Variants in PSMA3 observed in about 807,000 individuals in gnomAD.
PSMA3 encodes proteasome subunit alpha type-3.
In PSMA3, 8 loss-of-function variants were observed where a neutral mutation model predicts 40.0. The ratio of observed to expected loss-of-function variants is 0.20; its 90% CI spans 0.12 to 0.36. The LOEUF is 0.36. Among genes scored for constraint, PSMA3 ranks in the 10% least tolerant of loss-of-function variants. The probability of loss-of-function intolerance (pLI) is 1.00; values close to 1 mark genes in which losing one functional copy is unlikely to be tolerated. For missense variants in PSMA3, 219 were observed against 310.6 expected (o/e 0.70, Z 2.22); for synonymous variants, 110 against 100.0 (o/e 1.10, Z -0.59).
chr14:58,250,519 CAGGAA>C (rs1398298607), intron 2 of PSMA3, among the ~76,000 whole-genome samples: 2 of 152,126 alleles, frequency 1.3e-5, no homozygotes, highest in Admixed American at 6.6e-5. Flanking sequence ...GAATTTATAA[CAGGAA>C]ATTGAATATG....
intron 3 of PSMA3, among the ~76,000 whole-genome samples, chr14:58,252,981 CTTTTTTT>C (rs1231347254): frequency 5.3e-5 from 7 of 132,388 alleles, no homozygotes; most frequent in South Asian, 5.0e-4. Flanking sequence ...ATGTCATTTT[CTTTTTTT>C]TTTTTTTTTG....
At chr14:58,247,282 A>G (rs1323786327) in intron 1 of PSMA3, among the ~76,000 whole-genome samples, 2 of 152,148 alleles carry the variant, frequency 1.3e-5, no homozygotes, top group Non-Finnish European at 2.9e-5. Flanking sequence ...ACCTAGATTC[A>G]TGTCTGATGT....
At chr14:58,249,219 C>G (rs560040673) in intron 2 of PSMA3, among the ~76,000 whole-genome samples, 23 of 152,102 alleles carry the variant, frequency 1.5e-4, no homozygotes, top group Non-Finnish European at 3.1e-4. Context: ...CTCAGCCTCC[C>G]AAAGTGCTGG....
chr14:58,267,328 A>G, intron 7 of PSMA3, 146 bp from the exon 8 acceptor site: 3 of 1,209,598 alleles, frequency 2.5e-6, no homozygotes, highest in South Asian at 6.0e-5. Flanking sequence ...AAACATTAAA[A>G]TATGAATCAG....
intron 2 of PSMA3, among the ~76,000 whole-genome samples, chr14:58,250,964 G>A (rs1889998287): frequency 6.6e-6 from 1 of 152,034 alleles, no homozygotes; most frequent in Non-Finnish European, 1.5e-5. Context: ...AGGATGTAGA[G>A]CTTGGTGATG....
At chr14:58,264,998 C>G (rs936311259) in intron 7 of PSMA3, 2 of 152,196 alleles carry the variant, frequency 1.3e-5, no homozygotes, top group Non-Finnish European at 2.9e-5. Flanking sequence ...AGGGGGATTA[C>G]CCCTGTAATC....
chr14:58,270,296 T>C (rs1566646036), intron 8 of PSMA3, 122 bp from the exon 9 acceptor site: 2 of 1,350,872 alleles, frequency 1.5e-6, no homozygotes, highest in Non-Finnish European at 2.0e-6. Flanking sequence ...AGAATGTGTC[T>C]GTGTAATTTT....
chr14:58,246,226 T>C (rs1889876796), intron 1 of PSMA3, among the ~76,000 whole-genome samples: 1 of 152,186 alleles, frequency 6.6e-6, no homozygotes. Context: ...GATCGTTTAA[T>C]AGTCATTTCG....
At chr14:58,267,669 C>A (rs540587175) in intron 8 of PSMA3, 149 bp downstream of exon 8, 10 of 1,221,378 alleles carry the variant, frequency 8.2e-6, no homozygotes, top group South Asian at 6.0e-5. Flanking sequence ...AGAAGCCTCA[C>A]GAAGGAAGAA....
chr14:58,256,081 T>A (rs1446043069), intron 3 of PSMA3, among the ~76,000 whole-genome samples: 1 of 152,154 alleles, frequency 6.6e-6, no homozygotes, highest in African/African-American at 2.4e-5. Context: ...TTCAAACTCC[T>A]GACCTCAGGT....
chr14:58,271,814 T>G, intron 10 of PSMA3, 37 bp from the exon 11 acceptor site: 1 of 1,533,722 alleles, frequency 6.5e-7, no homozygotes, highest in Non-Finnish European at 9.0e-7. Context: ...ATAACAATTT[T>G]AAAAATCAAT....
At chr14:58,267,693 A>G (rs1890488636) in intron 8 of PSMA3, 173 bp downstream of exon 8, 1 of 1,183,190 alleles carries the variant, frequency 8.5e-7, no homozygotes, top group Non-Finnish European at 1.1e-6. Flanking sequence ...GTTTTTAAGC[A>G]ATATTTTTTA....
At chr14:58,260,154 C>T (rs1890240802) in intron 5 of PSMA3, among the ~76,000 whole-genome samples, 1 of 152,104 alleles carries the variant, frequency 6.6e-6, no homozygotes, top group African/African-American at 2.4e-5. Context: ...GGTTTTAGGA[C>T]CTCCCATGAA....
chr14:58,245,146 T>C, intron 1 of PSMA3: 1 of 626,520 alleles, frequency 1.6e-6, no homozygotes, highest in East Asian at 2.8e-5. Context: ...TCCTGAAGCT[T>C]TTCAGCGCAG....
intron 5 of PSMA3, 42 bp downstream of exon 5, chr14:58,258,040 A>G (rs1756650288): frequency 3.5e-6 from 5 of 1,437,632 alleles, no homozygotes; most frequent in South Asian, 2.3e-5. Flanking sequence ...GATCTGTACT[A>G]TAGATATTTA....
chr14:58,266,119 T>C (rs1236815948), intron 7 of PSMA3: 1 of 152,162 alleles, frequency 6.6e-6, no homozygotes, highest in African/African-American at 2.4e-5. Flanking sequence ...TTCCCCAAAA[T>C]ATTTGAGTCC....
chr14:58,261,135 A>C, intron 6 of PSMA3, 115 bp downstream of exon 6: 2 of 684,544 alleles, frequency 2.9e-6, no homozygotes, highest in Non-Finnish European at 4.5e-6. Flanking sequence ...AAGGAAAGTA[A>C]TTTTTCTTTT....
intron 3 of PSMA3, among the ~76,000 whole-genome samples, chr14:58,257,135 C>G (rs969155861): frequency 6.6e-6 from 1 of 150,438 alleles, no homozygotes; most frequent in African/African-American, 2.4e-5. Context: ...TGACCAAGAC[C>G]CATGGTTTTT....
chr14:58,258,177 C>G, intron 5 of PSMA3, 179 bp downstream of exon 5: 1 of 540,318 alleles, frequency 1.9e-6, no homozygotes, highest in Non-Finnish European at 3.3e-6. Context: ...ATGGCTCAAG[C>G]CTGTAATCCC....
Sources: gnomAD v4.1 joint callset for allele counts (sites outside exome capture counted in the v4.1 genomes callset) on GRCh38, gnomAD v4.1.1 for gene constraint, MANE v1.5 for transcripts, NCBI Gene and HGNC (gene_info 2026-07-23, HGNC 2026-07-21) for gene names.